Variants in WASHC3 observed in about 807,000 individuals in gnomAD.
WASHC3 encodes the protein WASH complex subunit 3, also known as WASH complex subunit CCDC53.
WASHC3 carries 24 observed loss-of-function variants against 26.1 expected under a neutral mutation model. The observed-to-expected ratio is 0.92, with a 90% CI of 0.66 to 1.29. The LOEUF (loss-of-function observed/expected upper bound fraction) is 1.29. WASHC3 is among the 50% of genes most tolerant of loss of function. The pLI, the probability that WASHC3 is intolerant of heterozygous loss-of-function variation, is 0.00. For synonymous variants in WASHC3, 77 were observed against 75.7 expected (o/e 1.02, Z -0.09); for missense variants, 214 against 229.6 (o/e 0.93, Z 0.44).
At chr12:102,015,691 C>T (rs2121314321) in intron 6 of WASHC3, among the ~76,000 whole-genome samples, 1 of 152,178 alleles carries the variant, frequency 6.6e-6, no homozygotes, top group African/African-American at 2.4e-5. Context: ...AGATGAATAA[C>T]AAGTAGTTCC....
chr12:102,035,569 A>C (rs78349036), intron 5 of WASHC3, among the ~76,000 whole-genome samples: 16,540 of 152,284 alleles, frequency 0.11, 986 homozygotes, highest in Non-Finnish European at 0.13. Flanking sequence ...TTAGTCCTGA[A>C]AAATATTTTA....
At chr12:102,040,996 A>T (rs1343266576) in intron 4 of WASHC3, among the ~76,000 whole-genome samples, 3 of 151,872 alleles carry the variant, frequency 2.0e-5, no homozygotes, top group African/African-American at 7.2e-5. Flanking sequence ...TCCTCAGATA[A>T]TTCAAATATA....
intron 5 of WASHC3, among the ~76,000 whole-genome samples, chr12:102,027,634 T>C (rs1470036456): frequency 2.0e-5 from 3 of 152,292 alleles, no homozygotes; most frequent in African/African-American, 7.2e-5. Flanking sequence ...AAGATAGCTA[T>C]GGAAAGAGTC....
chr12:102,044,432 A>G (rs1000246267), intron 3 of WASHC3, among the ~76,000 whole-genome samples: 6 of 152,332 alleles, frequency 3.9e-5, no homozygotes, highest in African/African-American at 1.4e-4. Flanking sequence ...TTTTCAAAAT[A>G]TAGACAATCC....
intron 5 of WASHC3, among the ~76,000 whole-genome samples, chr12:102,033,613 A>G (rs1877527073): frequency 6.6e-6 from 1 of 152,142 alleles, no homozygotes; most frequent in African/African-American, 2.4e-5. Flanking sequence ...ACAAGGTGAA[A>G]GACCTTGTGG....
At chr12:102,033,384 A>C (rs915789156) in intron 5 of WASHC3, among the ~76,000 whole-genome samples, 3 of 152,190 alleles carry the variant, frequency 2.0e-5, no homozygotes, top group Non-Finnish European at 4.4e-5. Flanking sequence ...AAATCGTTCT[A>C]AACAATAATT....
At chr12:102,047,702 A>G (rs1430425535) in intron 2 of WASHC3, among the ~76,000 whole-genome samples, 1 of 152,230 alleles carries the variant, frequency 6.6e-6, no homozygotes, top group African/African-American at 2.4e-5. Flanking sequence ...TTAAAAATGG[A>G]CATATTGGTT....
At chr12:102,028,278 T>C (rs1486185426) in intron 5 of WASHC3, among the ~76,000 whole-genome samples, 3 of 152,180 alleles carry the variant, frequency 2.0e-5, no homozygotes, top group East Asian at 3.8e-4. Context: ...ATTACTTGAA[T>C]GACACAGCTG....
chr12:102,044,664 A>T (rs899448005), intron 3 of WASHC3, among the ~76,000 whole-genome samples: 2 of 152,356 alleles, frequency 1.3e-5, no homozygotes, highest in South Asian at 4.1e-4. Context: ...TTGAGTTTCA[A>T]TTATCTAGGA....
chr12:102,062,116 G>A (rs1878842139), upstream of WASHC3: 4 of 614,192 alleles, frequency 6.5e-6, no homozygotes, highest in South Asian at 8.1e-5. Flanking sequence ...TAATCACTCG[G>A]CGGCTTCCGG....
intron 5 of WASHC3, among the ~76,000 whole-genome samples, chr12:102,027,846 T>C (rs1295420147): frequency 6.6e-6 from 1 of 152,190 alleles, no homozygotes; most frequent in Non-Finnish European, 1.5e-5. Flanking sequence ...TTTTGTCTTA[T>C]AAATTAGTAA....
intron 5 of WASHC3, among the ~76,000 whole-genome samples, chr12:102,028,217 G>A (rs558638457): frequency 1.8e-4 from 27 of 152,148 alleles, no homozygotes; most frequent in African/African-American, 5.1e-4. Flanking sequence ...ATATTTAAAA[G>A]CAAAACATAC....
rs566824451 is a variant in WASHC3 at position 102,025,062 on chromosome 12, T to C, written c.500+912A>G. ...TTCATAAATTTCATATTTTGGCAGA[T>C]AAAATATGAGAAAAAGACTACTTCA... On this transcript the variant is annotated intron_variant, in intron 6 of 6. Coordinates refer to ENST00000240079, the MANE Select transcript of WASHC3 (RefSeq NM_016053.4). Among the ~76,000 whole-genome samples, 7 of 152,296 alleles carry C rather than the reference T, an allele frequency of 4.6e-5. No homozygotes were observed. The East Asian group carries it at 1.2e-3, about 25-fold the overall frequency.
At chr12:102,053,157 C>T (rs773311866) in intron 2 of WASHC3, among the ~76,000 whole-genome samples, 14 of 152,024 alleles carry the variant, frequency 9.2e-5, no homozygotes, top group Admixed American at 7.2e-4. Context: ...GCTCCAGGTC[C>T]ACCCCAGGGG....
chr12:102,018,119 T>A (rs1342223148), intron 6 of WASHC3, among the ~76,000 whole-genome samples: 1 of 152,242 alleles, frequency 6.6e-6, no homozygotes, highest in Non-Finnish European at 1.5e-5. Flanking sequence ...AGTCCATCTA[T>A]GTTGTAGCAT....
chr12:102,060,451 C>T (rs1190491855), intron 2 of WASHC3, among the ~76,000 whole-genome samples: 6 of 152,168 alleles, frequency 3.9e-5, no homozygotes, highest in Admixed American at 3.9e-4. Flanking sequence ...GTTCTGGTAC[C>T]TAATCCCTAG....
chr12:102,049,654 T>C (rs1878309709), intron 2 of WASHC3, among the ~76,000 whole-genome samples: 1 of 152,208 alleles, frequency 6.6e-6, no homozygotes, highest in Admixed American at 6.5e-5. Context: ...TTGTAAAATA[T>C]CTTGTTTATA....
In WASHC3 at chr12:102,019,545, CA is replaced by C. The variant is rs1876861960; in HGVS notation, c.501-6354del. On this transcript the variant is annotated intron_variant, in intron 6 of 6. Transcript: ENST00000240079. ...TATTTTAAATACATAAGTGAATTTCCAAAAAAGATTACATCAACAAAATACA... is the reference window on the plus strand; with the variant it reads ...TATTTTAAATACATAAGTGAATTTCCAAAAAGATTACATCAACAAAATACA... Among the ~76,000 whole-genome samples the C allele has an allele frequency of 2.6e-5, 4 of 151,756 alleles. No homozygotes were observed. In the South Asian group the frequency reaches 8.3e-4, roughly 32 times the overall value.
At chr12:102,024,259 T>C (rs754981639) in intron 6 of WASHC3, among the ~76,000 whole-genome samples, 2 of 152,106 alleles carry the variant, frequency 1.3e-5, no homozygotes, top group Non-Finnish European at 2.9e-5. Flanking sequence ...TTGAAGGCAG[T>C]GGAGAGTCAC....
Sources: gnomAD v4.1 joint callset for allele counts (sites outside exome capture counted in the v4.1 genomes callset) on GRCh38, gnomAD v4.1.1 for gene constraint, MANE v1.5 for transcripts, NCBI Gene and HGNC (gene_info 2026-07-23, HGNC 2026-07-21) for gene names.